NPW: variants seen among roughly 807,000 people sequenced by gnomAD.
The protein encoded by NPW is neuropeptide W.
A neutral mutation model predicts 9.9 loss-of-function variants in NPW; 8 were observed. That is an observed-to-expected ratio of 0.81 (90% CI 0.47 to 1.46). The LOEUF is 1.46. Ranked by LOEUF, NPW falls within the 40% of genes most tolerant of loss-of-function variation. The pLI is 0.00. For missense variants in NPW, 287 were observed against 240.3 expected, an observed-to-expected ratio of 1.19 and a Z score of -1.28; for synonymous variants, 134 against 119.9, an observed-to-expected ratio of 1.12 and a Z score of -0.77.
chr16:2,020,625 T>C lies in NPW; in HGVS notation c.*6T>C. The C allele has an allele frequency of 6.4e-7, 1 of 1,564,204 alleles. No homozygotes were observed. The highest frequency in any genetic ancestry group is 2.3e-5 in the East Asian group (1 of 42,744). On this transcript the variant is annotated 3_prime_UTR_variant, in exon 2 of 2. Transcript: ENST00000566435. Reference sequence around the variant, plus strand: ...TGGCCCCCGGACCGTTCTGACAGCGTCCCCCGCCCGCCCGTGGCGCCTCCG... The same window carrying C: ...TGGCCCCCGGACCGTTCTGACAGCGCCCCCCGCCCGCCCGTGGCGCCTCCG...
At chr16:2,020,389 G>A (rs2083831473) in intron 1 of NPW, 77 bp downstream of exon 1, 17 of 1,333,708 alleles carry the variant, frequency 1.3e-5, no homozygotes, top group Non-Finnish European at 1.7e-5. Flanking sequence ...ACGGAGCCGC[G>A]CGTTCAGGGG....
chr16:2,020,129 C>T lies in NPW; in HGVS notation c.228C>T (p.Asp76=). ...CGGCCGCCGGGCCCCTGGCCAGGGACACCCTCTCCCCCGAACCCGCAGCCC... is the reference window on the plus strand; with the variant it reads ...CGGCCGCCGGGCCCCTGGCCAGGGATACCCTCTCCCCCGAACCCGCAGCCC... The change falls in exon 1 of 2, where the codon GAC becomes GAT. Residue 76 remains aspartate, a synonymous_variant. Coordinates refer to ENST00000566435, the MANE Select transcript of NPW (RefSeq NM_001099456.3). The T allele has an allele frequency of 6.4e-7, 1 of 1,560,960 alleles. No individual in the cohort carries two copies. The highest frequency in any genetic ancestry group is 8.6e-7 in the Non-Finnish European group (1 of 1,158,678).
rs76547132 is a variant in NPW at position 2,020,316 on chromosome 16, C to A, written c.411+4C>A. On this transcript the variant is annotated splice_donor_region_variant and intron_variant, in intron 1 of 1. Coordinates refer to ENST00000566435, the MANE Select transcript of NPW (RefSeq NM_001099456.3). ...GGACTTCAGCGGAGCTGGCCAGGTACGTGAGAGGGGAGAGGCCTGGACCGC... is the reference window on the plus strand; with the variant it reads ...GGACTTCAGCGGAGCTGGCCAGGTAAGTGAGAGGGGAGAGGCCTGGACCGC... The A allele has an allele frequency of 0.023, 34,419 of 1,473,978 alleles. 511 individuals are homozygous for A. Among genetic ancestry groups the A allele is most frequent in the African/African-American group, 0.062 (3,719 of 59,638 alleles). The allele number at this position is 1,473,978 out of a possible 1,614,324, so 91.3% of individuals were successfully genotyped here.
In NPW at chr16:2,019,838, G is replaced by A; in HGVS notation, c.-64G>A. Reference sequence around the variant, plus strand: ...TACCTGGGCGTCCCAACTCCACTGCGCGCCCAAACCCAGCCGAGCCGGTTC... The same window carrying A: ...TACCTGGGCGTCCCAACTCCACTGCACGCCCAAACCCAGCCGAGCCGGTTC... On this transcript the variant is annotated 5_prime_UTR_variant, in exon 1 of 2. Coordinates refer to ENST00000566435, the MANE Select transcript of NPW (RefSeq NM_001099456.3). 1 of 1,202,304 alleles carries A rather than the reference G, an allele frequency of 8.3e-7. No individual in the cohort carries two copies. Among genetic ancestry groups the A allele is most frequent in the Non-Finnish European group, 1.0e-6 (1 of 969,940 alleles). 74.5% of individuals were successfully genotyped at this position (1,202,304 alleles called of 1,614,324 possible).
In NPW at chr16:2,020,536, C is replaced by T; in HGVS notation, c.415C>T (p.Leu139Phe). The T allele has an allele frequency of 6.2e-7, 1 of 1,606,218 alleles. No homozygotes were observed. The highest frequency in any genetic ancestry group is 8.5e-7 in the Non-Finnish European group (1 of 1,174,590). Residue 139 changes from leucine to phenylalanine, a missense_variant, in exon 2 of 2, where the codon CTT becomes TTT. Transcript: ENST00000566435. Reference sequence around the variant, plus strand: ...GGCCTTGCTGTGTTCTCGTTAGAGACTTCGGAGAGACGTCTCCCGCCCAGC... The same window carrying T: ...GGCCTTGCTGTGTTCTCGTTAGAGATTTCGGAGAGACGTCTCCCGCCCAGC...
Position 2,020,647 on chromosome 16 carries a change from T to G in NPW, c.*28T>G. 2 of 1,449,168 alleles carry G rather than the reference T, an allele frequency of 1.4e-6. No homozygotes were observed. Among genetic ancestry groups the G allele is most frequent in the Non-Finnish European group, 1.9e-6 (2 of 1,045,328 alleles). 89.8% of individuals were successfully genotyped at this position (1,449,168 alleles called of 1,614,324 possible). The stretch of plus-strand genomic sequence containing the variant: ...GCGTCCCCCGCCCGCCCGTGGCGCC[T>G]CCGCGCCTGACCCAGGAGGAGTGGC... On this transcript the variant is annotated 3_prime_UTR_variant, in exon 2 of 2. Coordinates refer to ENST00000566435, the MANE Select transcript of NPW (RefSeq NM_001099456.3).
Position 2,020,099 on chromosome 16 carries a change from G to C in NPW, c.198G>C (p.Leu66=). 6.7e-7 allele frequency: 1 copy of C among 1,501,098 alleles called. No individual in the cohort carries two copies. The highest frequency in any genetic ancestry group is 2.5e-5 in the East Asian group (1 of 40,122). The allele number at this position is 1,501,098 out of a possible 1,614,324, so 93.0% of individuals were successfully genotyped here. A position where few individuals can be genotyped will look rare whatever the true frequency, so the allele number is the denominator to read the frequency against. Reference sequence around the variant, plus strand: ...CACCCTATCTGTGGCGCCGCGCGCTGCGCGCGGCCGCCGGGCCCCTGGCCA... The same window carrying C: ...CACCCTATCTGTGGCGCCGCGCGCTCCGCGCGGCCGCCGGGCCCCTGGCCA... The change falls in exon 1 of 2, where the codon CTG becomes CTC. Residue 66 remains leucine (L), a synonymous_variant. Coordinates refer to ENST00000566435, the MANE Select transcript of NPW (RefSeq NM_001099456.3).
rs565035708 is a variant in NPW, at chr16:2,020,705, C to T, written c.*86C>T. The T allele has an allele frequency of 7.9e-6, 6 of 761,088 alleles. No homozygotes were observed. The South Asian group carries it at 1.0e-4, about 13-fold the overall frequency. The allele number at this position is 761,088 out of a possible 1,614,324, so 47.1% of individuals were successfully genotyped here. On this transcript the variant is annotated 3_prime_UTR_variant, in exon 2 of 2. Transcript: ENST00000566435. ...TTCCAGGAGCCGCTCATAGACCCCG[C>T]CTGCCGTCCGGTCAATAAAATCCGC...
intron 1 of NPW, 27 bp downstream of exon 1, chr16:2,020,339 C>T: frequency 6.9e-7 from 1 of 1,453,640 alleles, no homozygotes; most frequent in South Asian, 1.4e-5. Context: ...AGGCCTGGAC[C>T]GCCGCGGGCA....
intron 1 of NPW, 82 bp downstream of exon 1, chr16:2,020,394 C>T (rs981348001): frequency 6.8e-6 from 9 of 1,325,320 alleles, no homozygotes; most frequent in Non-Finnish European, 9.2e-6. Flanking sequence ...GCCGCGCGTT[C>T]AGGGGGCACC....
rs2083831297 is a variant in NPW, at chr16:2,020,353, G to T, written c.411+41G>T. ...GAGGCCTGGACCGCCGCGGGCAAGG[G>T]GGTCTCGGGAGGTCTGAGCCGGAGC... is the stretch of plus-strand genomic sequence containing the variant. On this transcript the variant is annotated intron_variant, in intron 1 of 1. Transcript: ENST00000566435. 1.4e-6 allele frequency: 2 copies of T among 1,438,274 alleles called. No individual in the cohort carries two copies. Among genetic ancestry groups the T allele is most frequent in the Admixed American group, 2.4e-5 (1 of 41,298 alleles). 89.1% of individuals were successfully genotyped at this position (1,438,274 alleles called of 1,614,324 possible).
In NPW at chr16:2,019,953, G is replaced by T; in HGVS notation, c.52G>T (p.Ala18Ser). The change falls in exon 1 of 2, where the codon GCA becomes TCA. Residue 18 changes from alanine (A) to serine (S), a missense_variant. Ala to Ser is a moderately conservative substitution (Grantham distance 99). Transcript: ENST00000566435. ...GGCTCCCGCGAGCCGGCCGCGGCTG[G>T]CACTGCTGCTGCTTCTGCTCCTGCT... The T allele has an allele frequency of 7.2e-7, 1 of 1,389,500 alleles. No individual in the cohort carries two copies. The highest frequency in any genetic ancestry group is 2.9e-5 in the Admixed American group (1 of 34,914). 86.1% of individuals were successfully genotyped at this position (1,389,500 alleles called of 1,614,324 possible).
In NPW at chr16:2,020,255, GC is replaced by G; in HGVS notation, c.355del (p.Arg119AlafsTer74). The G allele has an allele frequency of 6.5e-7, 1 of 1,550,288 alleles. No individual in the cohort carries two copies. Among genetic ancestry groups the G allele is most frequent in the Non-Finnish European group, 8.7e-7 (1 of 1,150,974 alleles). On this transcript the variant is annotated frameshift_variant, in exon 1 of 2. Coordinates refer to ENST00000566435, the MANE Select transcript of NPW (RefSeq NM_001099456.3). LOFTEE classifies it high-confidence loss of function. ...TCCCCGTCCGTGCGCCCCGGAGCCC[GC>G]GCGCCCCAGAGCCTGCGCTGGAACC...
At chr16:2,020,372 C>G in intron 1 of NPW, 60 bp downstream of exon 1, 1 of 1,396,800 alleles carries the variant, frequency 7.2e-7, no homozygotes, top group South Asian at 1.4e-5. Flanking sequence ...GAGGTCTGAG[C>G]CGGAGCACGG....
chr16:2,020,502 C>T lies in NPW; in HGVS notation c.412-31C>T, dbSNP rs768041666. The T allele has an allele frequency of 7.3e-6, 11 of 1,504,372 alleles. No homozygotes were observed. The East Asian group carries it at 2.1e-4, about 28-fold the overall frequency. The allele number at this position is 1,504,372 out of a possible 1,614,324, so 93.2% of individuals were successfully genotyped here. ...GGCGGTGGTTGGAGGGCCACAGCCT[C>T]CTCCCCACGGCCTTGCTGTGTTCTC... On this transcript the variant is annotated intron_variant, in intron 1 of 1. Coordinates refer to ENST00000566435, the MANE Select transcript of NPW (RefSeq NM_001099456.3).
Position 2,020,308 on chromosome 16 carries a change from G to C in NPW, c.407G>C (p.Gly136Ala). Residue 136 changes from glycine (G) to alanine (A), a missense_variant, in exon 1 of 2, where the codon GGC (glycine) becomes GCC (alanine). Physicochemically the swap from Gly to Ala is moderately conservative, Grantham distance 60 (BLOSUM62 0). Transcript: ENST00000566435. The stretch of plus-strand genomic sequence containing the variant: ...GAGTCCCTGGACTTCAGCGGAGCTG[G>C]CCAGGTACGTGAGAGGGGAGAGGCC... 6.7e-7 allele frequency: 1 copy of C among 1,496,024 alleles called. No individual in the cohort carries two copies. The highest frequency in any genetic ancestry group is 8.9e-7 in the Non-Finnish European group (1 of 1,120,616). 92.7% of individuals were successfully genotyped at this position (1,496,024 alleles called of 1,614,324 possible). A position where few individuals can be genotyped will look rare whatever the true frequency, so the allele number is the denominator to read the frequency against.
chr16:2,020,510 C>G (rs758431555), intron 1 of NPW, 23 bp from the exon 2 acceptor site: 84 of 1,550,770 alleles, frequency 5.4e-5, no homozygotes, highest in Non-Finnish European at 7.3e-5. Context: ...CTCCTCCCCA[C>G]GGCCTTGCTG....
Position 2,019,818 on chromosome 16 carries a change from G to C in NPW, c.-84G>C, listed in dbSNP as rs908153137. On this transcript the variant is annotated 5_prime_UTR_variant, in exon 1 of 2. Coordinates refer to ENST00000566435, the MANE Select transcript of NPW (RefSeq NM_001099456.3). ...TCCAGCCTCCTGCGCTCCGGTACCT[G>C]GGCGTCCCAACTCCACTGCGCGCCC... The C allele has an allele frequency of 3.3e-5, 40 of 1,197,352 alleles. No homozygotes were observed. The African/African-American group carries it at 5.7e-4, about 17-fold the overall frequency. The allele number at this position is 1,197,352 out of a possible 1,614,324, so 74.2% of individuals were successfully genotyped here.
At chr16:2,020,487 G>C in intron 1 of NPW, 46 bp from the exon 2 acceptor site, 1 of 1,434,358 alleles carries the variant, frequency 7.0e-7, no homozygotes, top group Non-Finnish European at 9.7e-7. Context: ...GGCGGTGGTT[G>C]GAGGGCCACA....
Sources: gnomAD v4.1 joint callset for allele counts on GRCh38, gnomAD v4.1.1 for gene constraint, MANE v1.5 for transcripts, NCBI Gene and HGNC (gene_info 2026-07-23, HGNC 2026-07-21) for gene names.